The following SNRNP70 variants were observed in gnomAD, a reference collection of about 807,000 sequenced individuals.
SNRNP70 encodes the protein small nuclear ribonucleoprotein U1 subunit 70.
SNRNP70 carries 8 observed loss-of-function variants against 50.5 expected under a neutral mutation model. That is an observed-to-expected ratio of 0.16 (90% CI 0.09 to 0.29). The LOEUF is 0.29. Ranked by LOEUF, SNRNP70 falls within the 10% of genes least tolerant of loss-of-function variation. The probability of loss-of-function intolerance (pLI) is 1.00; values close to 1 mark genes in which losing one functional copy is unlikely to be tolerated. For synonymous variants in SNRNP70, 320 were observed against 252.9 expected, an observed-to-expected ratio of 1.27 and a Z score of -2.52; for missense variants, 529 against 663.5, an observed-to-expected ratio of 0.80 and a Z score of 2.23.
rs1382115965 is a variant in SNRNP70 at position 49,090,278 on chromosome 19, T to C, written c.148-13T>C. 4.3e-6 allele frequency: 7 copies of C among 1,613,068 alleles called. No individual in the cohort carries two copies. In the African/African-American group the frequency reaches 8.0e-5, roughly 18 times the overall value. ...AGTCCTTCCCACCCTGTCACCTCTC[T>C]TCTTGTTCCCAGGACCCTCGAGATG... On this transcript the variant is annotated splice_polypyrimidine_tract_variant and intron_variant, in intron 2 of 9. Transcript: ENST00000598441.
At chr19:49,098,598 A>G in intron 5 of SNRNP70, 44 bp from the exon 6 acceptor site, 1 of 1,600,920 alleles carries the variant, frequency 6.2e-7, no homozygotes, top group South Asian at 1.1e-5. Flanking sequence ...GGGCTGTGGG[A>G]CAGCTCTGTT....
Position 49,104,334 on chromosome 19 carries a change from C to G in SNRNP70, c.476-300C>G. ...TTTTGGCCGCCCTGGCGGGAGGGGG[C>G]TGTTCCATCATGTGGGAGAGGAAGG... is the stretch of plus-strand genomic sequence containing the variant. On this transcript the variant is annotated intron_variant, in intron 7 of 9. Transcript: ENST00000598441. This position sits in a 1 kb window ranked among gnomAD's most constrained non-coding sequence, Gnocchi z 5.4. 2.8e-6 allele frequency: 1 copy of G among 352,876 alleles called. No homozygotes were observed. Among genetic ancestry groups the G allele is most frequent in the Non-Finnish European group, 5.2e-6 (1 of 191,316 alleles). 21.9% of individuals were successfully genotyped at this position (352,876 alleles called of 1,614,324 possible).
chr19:49,088,134 A>AC (rs559029513), intron 2 of SNRNP70, among the ~76,000 whole-genome samples: 15 of 124,846 alleles, frequency 1.2e-4, no homozygotes, highest in Admixed American at 2.6e-4. Context: ...CAGGTGATCC[A>AC]CCCCCCTTGG....
rs748992451 is a variant in SNRNP70, at chr19:49,101,490, G to A, written c.475+19G>A. On this transcript the variant is annotated intron_variant, in intron 7 of 9. Coordinates refer to ENST00000598441, the MANE Select transcript of SNRNP70 (RefSeq NM_003089.6). ...ATGCACTGTGAGTACCTCCCGCCGA[G>A]CCCTGCCCTCTGACCTGCTCTCACT... 10 of 1,591,674 alleles carry A rather than the reference G, an allele frequency of 6.3e-6. No individual in the cohort carries two copies. The Admixed American group carries it at 1.7e-4, about 27-fold the overall frequency.
chr19:49,094,892 A>G (rs1316740980), intron 4 of SNRNP70, among the ~76,000 whole-genome samples: 1 of 152,242 alleles, frequency 6.6e-6, no homozygotes, highest in Non-Finnish European at 1.5e-5. Flanking sequence ...GAGAGTTCCA[A>G]GATGGGACCT....
chr19:49,089,598 G>C (rs1029696626), intron 2 of SNRNP70, among the ~76,000 whole-genome samples: 1 of 150,674 alleles, frequency 6.6e-6, no homozygotes, highest in Non-Finnish European at 1.5e-5. Flanking sequence ...ACTTATCACA[G>C]TCCAGCAACA....
rs2040696647 is a variant in SNRNP70, at chr19:49,107,927, A to T, written c.798A>T (p.Ser266=). 1.3e-6 allele frequency: 2 copies of T among 1,546,612 alleles called. No homozygotes were observed. Among genetic ancestry groups the T allele is most frequent in the Non-Finnish European group, 1.7e-6 (2 of 1,145,968 alleles). Residue 266 remains serine (S), a synonymous_variant, in exon 10 of 10, where the codon TCA becomes TCT. Transcript: ENST00000598441. The surrounding 1 kb of genome is among the most constrained non-coding windows in gnomAD (Gnocchi z 6.0). The stretch of plus-strand genomic sequence containing the variant: ...GCTCCCGGGACCGGCGGAGGCGCTC[A>T]CGGAGTCGCGACAAGGAGGAGCGGA... ...RSRSRDRRRR[S]RSRDKEERRR...
At chr19:49,093,704 A>C (rs2040478672) in intron 4 of SNRNP70, among the ~76,000 whole-genome samples, 3 of 149,114 alleles carry the variant, frequency 2.0e-5, no homozygotes, top group South Asian at 4.3e-4. Flanking sequence ...AAAAAAAAAA[A>C]CAGTTCCAGG....
chr19:49,101,449 C>T lies in SNRNP70; in HGVS notation c.453C>T (p.Tyr151=), dbSNP rs144779182. 1.2e-4 allele frequency: 191 copies of T among 1,613,558 alleles called. 1 individual carries two copies. In the South Asian group the frequency reaches 1.6e-3, roughly 13 times the overall value. Residue 151 remains tyrosine (Y), a synonymous_variant, in exon 7 of 10, where the codon TAC becomes TAT. Coordinates refer to ENST00000598441, the MANE Select transcript of SNRNP70 (RefSeq NM_003089.6). The stretch of plus-strand genomic sequence containing the variant: ...CCCGTGGCTATGCCTTCATCGAGTA[C>T]GAACACGAGCGAGACATGCACTGTG... The part of the protein sequence containing the change: ...GKPRGYAFIE[Y]EHERDMHSAY...
intron 1 of SNRNP70, 111 bp downstream of exon 1, chr19:49,085,747 C>T (rs1482619380): frequency 2.3e-6 from 1 of 433,618 alleles, no homozygotes; most frequent in South Asian, 1.6e-5. Flanking sequence ...CGCGTCCCCG[C>T]CACAGGTCCC....
Position 49,107,476 on chromosome 19 carries a change from G to A in SNRNP70, c.578-149G>A, listed in dbSNP as rs960841481. On this transcript the variant is annotated intron_variant, in intron 8 of 9. Coordinates refer to ENST00000598441, the MANE Select transcript of SNRNP70 (RefSeq NM_003089.6). The surrounding 1 kb of genome is among the most constrained non-coding windows in gnomAD (Gnocchi z 6.0). Reference sequence around the variant, plus strand: ...CGTGGCTGTCTTGTGATGGGAGTGCGCGGGATGAACTGCACGGGGGGACCC... The same window carrying A: ...CGTGGCTGTCTTGTGATGGGAGTGCACGGGATGAACTGCACGGGGGGACCC... 10 of 674,608 alleles carry A rather than the reference G, an allele frequency of 1.5e-5. No individual in the cohort carries two copies. Among genetic ancestry groups the A allele is most frequent in the African/African-American group, 7.2e-5 (4 of 55,416 alleles). 41.8% of individuals were successfully genotyped at this position (674,608 alleles called of 1,614,324 possible).
intron 8 of SNRNP70, among the ~76,000 whole-genome samples, chr19:49,106,226 G>T (rs1471098633): frequency 6.6e-6 from 1 of 152,148 alleles, no homozygotes; most frequent in Non-Finnish European, 1.5e-5. Context: ...GCTGTTTCCT[G>T]TTGGGGCGGG....
rs781212545 is a variant in SNRNP70, at chr19:49,108,331, A to G, written c.1202A>G (p.Asn401Ser). 1 of 1,602,150 alleles carries G rather than the reference A, an allele frequency of 6.2e-7. No homozygotes were observed. Among genetic ancestry groups the G allele is most frequent in the Non-Finnish European group, 8.5e-7 (1 of 1,174,738 alleles). ...CGAGGTGGGGGCGGTGGCCAGGACA[A>G]CGGGCTGGAGGGTCTGGGCAACGAC... ...EARGGGGGQD[N>S]GLEGLGNDSR... Residue 401 changes from asparagine (N) to serine (S), a missense_variant, in exon 10 of 10, where the codon AAC (asparagine) becomes AGC (serine). Transcript: ENST00000598441.
chr19:49,098,529 G>C, intron 5 of SNRNP70, 38 bp downstream of exon 5: 2 of 1,600,758 alleles, frequency 1.2e-6, no homozygotes, highest in Non-Finnish European at 8.6e-7. Flanking sequence ...ACCCCACGCT[G>C]CTGAGAGCCT....
In SNRNP70 at chr19:49,108,123, C is replaced by A; in HGVS notation, c.994C>A (p.Pro332Thr). The A allele has an allele frequency of 6.5e-7, 1 of 1,547,986 alleles. No individual in the cohort carries two copies. The highest frequency in any genetic ancestry group is 2.4e-5 in the East Asian group (1 of 42,340). ...AGDAPPDDGP[P>T]GELGPDGPDG... is the part of the protein sequence containing the mutation. ...TGACGCGCCCCCTGATGATGGGCCT[C>A]CAGGGGAGCTCGGGCCTGACGGCCC... is the stretch of plus-strand genomic sequence containing the variant. The change falls in exon 10 of 10, where the codon CCA (proline) becomes ACA (threonine). Residue 332 changes from proline (P) to threonine (T), a missense_variant. Physicochemically the swap from Pro to Thr is conservative, Grantham distance 38. Transcript: ENST00000598441.
chr19:49,101,314 G>A, intron 6 of SNRNP70, 76 bp from the exon 7 acceptor site: 3 of 1,061,888 alleles, frequency 2.8e-6, no homozygotes, highest in Non-Finnish European at 4.4e-6. Flanking sequence ...AGGGCCTGGT[G>A]TGCAGGCTGT....
intron 2 of SNRNP70, 50 bp downstream of exon 2, chr19:49,086,611 G>T (rs776089746): frequency 5.2e-5 from 82 of 1,579,772 alleles, no homozygotes; most frequent in Non-Finnish European, 6.5e-5. Context: ...GGGAGCAACG[G>T]GTTGGATTTG....
intron 6 of SNRNP70, among the ~76,000 whole-genome samples, chr19:49,100,768 T>G (rs1195049621): frequency 6.9e-6 from 1 of 145,646 alleles, no homozygotes; most frequent in Non-Finnish European, 1.5e-5. Flanking sequence ...ATTGAGCCAT[T>G]GCACTCTAGC....
intron 4 of SNRNP70, among the ~76,000 whole-genome samples, chr19:49,091,927 G>A (rs1293522934): frequency 6.6e-6 from 1 of 152,086 alleles, no homozygotes; most frequent in Non-Finnish European, 1.5e-5. Context: ...TTGCCATGCA[G>A]TTTGTTTCTA....
Sources: gnomAD v4.1 joint callset for allele counts (sites outside exome capture counted in the v4.1 genomes callset) on GRCh38, gnomAD v4.1.1 for gene constraint, Gnocchi (gnomAD v3.1) non-coding constraint, MANE v1.5 for transcripts, NCBI Gene and HGNC (gene_info 2026-07-23, HGNC 2026-07-21) for gene names.